Variants in ARMCX5 observed in about 807,000 individuals in gnomAD.
ARMCX5 encodes the protein armadillo repeat-containing X-linked protein 5.
ARMCX5 carries 1 observed loss-of-function variant against 7.5 expected under a neutral mutation model. The ratio of observed to expected loss-of-function variants is 0.13; its 90% CI spans 0.05 to 0.63. The LOEUF is 0.63. Among genes scored for constraint, ARMCX5 ranks in the 30% least tolerant of loss-of-function variants. The probability of loss-of-function intolerance (pLI) is 0.86; values close to 1 mark genes in which losing one functional copy is unlikely to be tolerated. For synonymous variants in ARMCX5, 149 were observed against 145.7 expected, an observed-to-expected ratio of 1.02 and a Z score of -0.16; for missense variants, 346 against 402.2, an observed-to-expected ratio of 0.86 and a Z score of 1.19.
Position 102,601,962 on chromosome X carries a change from T to A in ARMCX5, c.-180T>A. 2.2e-6 allele frequency: 1 copy of A among 463,097 alleles called. No individual in the cohort carries two copies. Among genetic ancestry groups the A allele is most frequent in the Non-Finnish European group, 3.7e-6 (1 of 269,058 alleles). The allele number at this position is 463,097 out of a possible 1,213,427, so 38.2% of individuals were successfully genotyped here. On this transcript the variant is annotated 5_prime_UTR_variant, in exon 4 of 4. Transcript: ENST00000473968. ...ACAGGGCTGGGCCCATGCACAGCCA[T>A]CCTTCCCTACCTTGAGTGAGCTTCC...
In ARMCX5 at chrX:102,603,998, G is replaced by T. The variant is rs2081075234; in HGVS notation, c.*180G>T. 1 of 339,759 alleles carries T rather than the reference G, an allele frequency of 2.9e-6. No homozygotes were observed. The highest frequency in any genetic ancestry group is 5.2e-6 in the Non-Finnish European group (1 of 190,856). 28.0% of individuals were successfully genotyped at this position (339,759 alleles called of 1,213,427 possible). ...GTGCTGATTTTTATTGTGCTATATA[G>T]TATATAAATTGAGATATTTTTGGTA... On this transcript the variant is annotated 3_prime_UTR_variant, in exon 4 of 4. Coordinates refer to ENST00000473968, the MANE Select transcript of ARMCX5 (RefSeq NM_001168478.2).
intron 1 of ARMCX5, chrX:102,600,691 G>A (rs2081025913): frequency 8.9e-6 from 1 of 111,818 alleles, no homozygotes; most frequent in Non-Finnish European, 1.9e-5. Flanking sequence ...CTACTACCTT[G>A]TAGGGATGTT....
At position 102,602,106 on chromosome X, in the gene ARMCX5, G is replaced by A. The variant is rs771504425; in HGVS notation, c.-36G>A. The A allele has an allele frequency of 1.8e-6, 2 of 1,113,641 alleles. No homozygotes were observed. The highest frequency in any genetic ancestry group is 2.4e-6 in the Non-Finnish European group (2 of 823,564). 91.8% of individuals were successfully genotyped at this position (1,113,641 alleles called of 1,213,427 possible). ...ACTTCAGTCAAGGCTGAGACGGGTG[G>A]GGGTATATAACTTGTCCTTACGTTA... is the stretch of plus-strand genomic sequence containing the variant. On this transcript the variant is annotated 5_prime_UTR_variant, in exon 4 of 4. Coordinates refer to ENST00000473968, the MANE Select transcript of ARMCX5 (RefSeq NM_001168478.2).
rs747215363 is a variant in ARMCX5, at chrX:102,602,931, T to C, written c.790T>C (p.Leu264=). The change falls in exon 4 of 4, where the codon TTG becomes CTG. Residue 264 remains leucine (L), a synonymous_variant. Coordinates refer to ENST00000473968, the MANE Select transcript of ARMCX5 (RefSeq NM_001168478.2). ...LIETPLGIRP[L]TKIPPYHGPY... Reference sequence around the variant, plus strand: ...TGAAACTCCTCTGGGGATTCGACCTTTGACCAAGATCCCACCTTATCATGG... The same window carrying C: ...TGAAACTCCTCTGGGGATTCGACCTCTGACCAAGATCCCACCTTATCATGG... 5.8e-6 allele frequency: 7 copies of C among 1,209,460 alleles called. No homozygotes were observed. Among genetic ancestry groups the C allele is most frequent in the Non-Finnish European group, 7.8e-6 (7 of 895,014 alleles).
chrX:102,602,094 C>T lies in ARMCX5; in HGVS notation c.-48C>T. ...AACCGGGACAAAACTTCAGTCAAGG[C>T]TGAGACGGGTGGGGGTATATAACTT... On this transcript the variant is annotated 5_prime_UTR_variant, in exon 4 of 4. Transcript: ENST00000473968. The T allele has an allele frequency of 9.2e-7, 1 of 1,083,100 alleles. No individual in the cohort carries two copies. 89.3% of individuals were successfully genotyped at this position (1,083,100 alleles called of 1,213,427 possible).
intron 1 of ARMCX5, chrX:102,600,630 TC>T (rs1484143937): frequency 9.0e-6 from 1 of 111,504 alleles, no homozygotes; most frequent in Non-Finnish European, 1.9e-5. Flanking sequence ...TTTCATTTTT[TC>T]CCCAGCCTCC....
chrX:102,599,565 A>C lies in ARMCX5; in HGVS notation c.-704A>C, dbSNP rs2081001361. 9.1e-6 allele frequency: 1 copy of C among 110,173 alleles called. No homozygotes were observed. Among genetic ancestry groups the C allele is most frequent in the Admixed American group, 9.8e-5 (1 of 10,228 alleles). 9.1% of individuals were successfully genotyped at this position (110,173 alleles called of 1,213,427 possible). ...GGACGTGGAAGAACCTCGTCTGCGG[A>C]GGAAAAGGTAGATGTTAAATGGTAA... On this transcript the variant is annotated 5_prime_UTR_variant, in exon 1 of 4. Transcript: ENST00000473968.
At position 102,602,750 on chromosome X, in the gene ARMCX5, C is replaced by T. The variant is rs55673173; in HGVS notation, c.609C>T (p.Ile203=). The change falls in exon 4 of 4, where the codon ATC becomes ATT. Residue 203 remains isoleucine (I), a synonymous_variant. Transcript: ENST00000473968. ...AAGTTTATAAGCCCCTACCTAAGAT[C>T]CAGGAAAAGCCCAAGCCCACACACA... ...SLQVYKPLPK[I]QEKPKPTHKP... is the part of the protein sequence containing the mutation. 0.013 allele frequency: 16,040 copies of T among 1,208,272 alleles called. 93 individuals are homozygous for T. The highest frequency in any genetic ancestry group is 0.016 in the Non-Finnish European group (14,501 of 894,148).
rs2081073411 is a variant in ARMCX5 at position 102,603,813 on chromosome X, C to T, written c.1672C>T (p.Leu558Phe). The T allele has an allele frequency of 7.2e-6, 8 of 1,111,145 alleles. No individual in the cohort carries two copies. The highest frequency in any genetic ancestry group is 8.5e-6 in the Non-Finnish European group (7 of 827,454). The allele number at this position is 1,111,145 out of a possible 1,213,427, so 91.6% of individuals were successfully genotyped here. A position where few individuals can be genotyped will look rare whatever the true frequency, so the allele number is the denominator to read the frequency against. ...RDKVIRLILK[L>F] ...TAAAGTCATACGATTAATACTAAAA[C>T]TCTGAATACCCCTCTGTTCTCATAA... The change falls in exon 4 of 4, where the codon CTC becomes TTC. Residue 558 changes from leucine (L) to phenylalanine (F), a missense_variant. By Grantham distance (22) the Leu-to-Phe change is conservative (BLOSUM62 0). Around this residue, in one of 3 missense-constraint regions of ARMCX5, gnomAD observed 139 missense variants for 141.1 expected, o/e 0.99. Transcript: ENST00000473968.
In ARMCX5 at chrX:102,602,822, C is replaced by T. The variant is rs146343503; in HGVS notation, c.681C>T (p.Ala227=). The change falls in exon 4 of 4, where the codon GCC becomes GCT. Residue 227 remains alanine, a synonymous_variant. Transcript: ENST00000473968. ...AAAAGGTAATAGCATGGTCAAGGGC[C>T]AGGTATATTGTCCTAGTTCCAGTTG... The part of the protein sequence containing the change: ...IKQKVIAWSR[A]RYIVLVPVEG... 8.3e-7 allele frequency: 1 copy of T among 1,210,652 alleles called. No homozygotes were observed. The highest frequency in any genetic ancestry group is 2.2e-5 in the Admixed American group (1 of 46,031).
Position 102,602,814 on chromosome X carries a change from T to G in ARMCX5, c.673T>G (p.Ser225Ala). Residue 225 changes from serine to alanine, a missense_variant, in exon 4 of 4, where the codon TCA becomes GCA. Coordinates refer to ENST00000473968, the MANE Select transcript of ARMCX5 (RefSeq NM_001168478.2). ...LTIKQKVIAW[S>A]RARYIVLVPV... ...TATAAAACAAAAGGTAATAGCATGG[T>G]CAAGGGCCAGGTATATTGTCCTAGT... is the stretch of plus-strand genomic sequence containing the variant. 2.3e-5 allele frequency: 28 copies of G among 1,210,630 alleles called. No individual in the cohort carries two copies. Among genetic ancestry groups the G allele is most frequent in the Non-Finnish European group, 3.1e-5 (28 of 894,857 alleles).
Position 102,603,348 on chromosome X carries a change from T to G in ARMCX5, c.1207T>G (p.Cys403Gly), listed in dbSNP as rs991863102. Residue 403 changes from cysteine (C) to glycine (G), a missense_variant, in exon 4 of 4, where the codon TGC becomes GGC. Around this residue, in one of 3 missense-constraint regions of ARMCX5, gnomAD observed 139 missense variants for 141.1 expected, o/e 0.99. Transcript: ENST00000473968. ...TCAAGTTTGTAAAGGCATAATCTCTTGCCCCTTGAACTCCCCTGTGCAGCT... is the reference window on the plus strand; with the variant it reads ...TCAAGTTTGTAAAGGCATAATCTCTGGCCCCTTGAACTCCCCTGTGCAGCT... ...IHQVCKGIIS[C>G]PLNSPVQLAG... The G allele has an allele frequency of 8.3e-7, 1 of 1,208,964 alleles. No homozygotes were observed. The highest frequency in any genetic ancestry group is 1.1e-6 in the Non-Finnish European group (1 of 894,689).
Position 102,599,543 on chromosome X carries a change from C to A in ARMCX5, c.-726C>A, listed in dbSNP as rs1312657858. The A allele has an allele frequency of 9.1e-6, 1 of 110,002 alleles. No individual in the cohort carries two copies. The highest frequency in any genetic ancestry group is 9.8e-5 in the Admixed American group (1 of 10,203). 9.1% of individuals were successfully genotyped at this position (110,002 alleles called of 1,213,427 possible). A position where few individuals can be genotyped will look rare whatever the true frequency, so the allele number is the denominator to read the frequency against. ...CCACTGCCGTTGTGGGTAACGCGGA[C>A]GTGGAAGAACCTCGTCTGCGGAGGA... On this transcript the variant is annotated 5_prime_UTR_variant, in exon 1 of 4. Transcript: ENST00000473968.
rs1019659336 is a variant in ARMCX5, at chrX:102,603,150, A to G, written c.1009A>G (p.Ile337Val). 8.3e-7 allele frequency: 1 copy of G among 1,209,093 alleles called. No homozygotes were observed. The highest frequency in any genetic ancestry group is 1.1e-6 in the Non-Finnish European group (1 of 894,325). ...TGAAATAGCTACAATGATAATGGGCATCAGTCCTGCTTATCCATTTACTCA... is the reference window on the plus strand; with the variant it reads ...TGAAATAGCTACAATGATAATGGGCGTCAGTCCTGCTTATCCATTTACTCA... ...IHEIATMIMG[I>V]SPAYPFTQDI... Residue 337 changes from isoleucine to valine, a missense_variant, in exon 4 of 4, where the codon ATC (isoleucine) becomes GTC (valine). Coordinates refer to ENST00000473968, the MANE Select transcript of ARMCX5 (RefSeq NM_001168478.2).
Position 102,602,387 on chromosome X carries a change from T to C in ARMCX5, c.246T>C (p.Asp82=). ...CAAGGGAAGTGATCAAGGTGGAAGA[T>C]ACAACTAAGACTAGAGTCATGGTTG... ...AVTREVIKVE[D]TTKTRVMVET... The change falls in exon 4 of 4, where the codon GAT becomes GAC. Residue 82 remains aspartate, a synonymous_variant. Coordinates refer to ENST00000473968, the MANE Select transcript of ARMCX5 (RefSeq NM_001168478.2). 2 of 1,211,328 alleles carry C rather than the reference T, an allele frequency of 1.7e-6. No homozygotes were observed. Among genetic ancestry groups the C allele is most frequent in the Non-Finnish European group, 2.2e-6 (2 of 895,222 alleles).
At chrX:102,601,054 CA>C (rs2081033537) in intron 2 of ARMCX5, 22 bp downstream of exon 2, 1 of 111,890 alleles carries the variant, frequency 8.9e-6, no homozygotes, top group South Asian at 3.8e-4. Flanking sequence ...GGTACAGGGA[CA>C]GGGGGGCAAC....
In ARMCX5 at chrX:102,603,584, C is replaced by A; in HGVS notation, c.1443C>A (p.Pro481=). 1.7e-6 allele frequency: 2 copies of A among 1,195,281 alleles called. No individual in the cohort carries two copies. Among genetic ancestry groups the A allele is most frequent in the Non-Finnish European group, 2.3e-6 (2 of 881,752 alleles). The part of the protein sequence containing the change: ...SAKVLSSLVA[P]FNKNESKANI... ...AAGTACTGTCATCATTGGTTGCACCCTTTAACAAGAATGAGTCAAAGGCCA... is the reference window on the plus strand; with the variant it reads ...AAGTACTGTCATCATTGGTTGCACCATTTAACAAGAATGAGTCAAAGGCCA... The change falls in exon 4 of 4, where the codon CCC becomes CCA. Residue 481 remains proline, a synonymous_variant. Coordinates refer to ENST00000473968, the MANE Select transcript of ARMCX5 (RefSeq NM_001168478.2).
chrX:102,600,918 A>T lies in ARMCX5; in HGVS notation c.-421-2A>T, dbSNP rs1446875667. 1 of 111,746 alleles carries T rather than the reference A, an allele frequency of 8.9e-6. No homozygotes were observed. The highest frequency in any genetic ancestry group is 3.3e-5 in the African/African-American group (1 of 30,709). 9.2% of individuals were successfully genotyped at this position (111,746 alleles called of 1,213,427 possible). On this transcript the variant is annotated splice_acceptor_variant, in intron 1 of 3. Coordinates refer to ENST00000473968, the MANE Select transcript of ARMCX5 (RefSeq NM_001168478.2). LOFTEE classifies it low-confidence loss of function (5UTR_SPLICE). ...GGTCTCTGTTTTTGTGAATCCCTGTAGGTAGATCTGTCCCCAGGTCTGTGG... is the reference window on the plus strand; with the variant it reads ...GGTCTCTGTTTTTGTGAATCCCTGTTGGTAGATCTGTCCCCAGGTCTGTGG...
At chrX:102,599,494 C>T (rs2080999561), upstream of ARMCX5, 1 of 109,703 alleles carries the variant, frequency 9.1e-6, no homozygotes, top group African/African-American at 3.3e-5. Flanking sequence ...AGCCGGATCC[C>T]CATAAACTAC....
Sources: allele counts gnomAD v4.1 joint callset, GRCh38; gene constraint gnomAD v4.1.1; regional missense constraint gnomAD v4.1.1; transcripts MANE v1.5; gene names NCBI Gene and HGNC (gene_info 2026-07-23, HGNC 2026-07-21).